Variants in ACACA observed in about 807,000 individuals in gnomAD.
ACACA encodes acetyl-CoA carboxylase alpha, also known as acetyl-CoA carboxylase 1.
Under a neutral mutation model 296.1 loss-of-function variants are expected in ACACA, and 103 were observed. The ratio of observed to expected loss-of-function variants is 0.35; its 90% confidence interval spans 0.30 to 0.41. The LOEUF is 0.41. ACACA is among the 10% of genes least tolerant of loss of function. The pLI is 1.00. For synonymous variants in ACACA, 953 were observed against 1,038.6 expected (o/e 0.92, Z 1.58); for missense variants, 1,554 against 2,989.7 (o/e 0.52, Z 11.20).
In ACACA at chr17:37,113,364, T is replaced by C. The variant is rs2142998877; in HGVS notation, c.6275-99A>G. The stretch of plus-strand genomic sequence containing the variant: ...GACCTCTGGCCACGAAGAGCCTCCT[T>C]ATACTATGCCTCCTGTTTGGCCACC... On this transcript the variant is annotated intron_variant, in intron 50 of 55. Coordinates refer to ENST00000616317, the MANE Select transcript of ACACA (RefSeq NM_198834.3). The surrounding 1 kb of genome is among the most constrained non-coding windows in gnomAD (Gnocchi z 4.0). The C allele has an allele frequency of 1.6e-6, 2 of 1,290,102 alleles. No homozygotes were observed. Among genetic ancestry groups the C allele is most frequent in the Non-Finnish European group, 1.1e-6 (1 of 907,794 alleles). The allele number at this position is 1,290,102 out of a possible 1,614,324, so 79.9% of individuals were successfully genotyped here. A position where few individuals can be genotyped will look rare whatever the true frequency, so the allele number is the denominator to read the frequency against.
At position 37,161,637 on chromosome 17, in the gene ACACA, A is replaced by T. The variant is rs75415851; in HGVS notation, c.5349+144T>A. On this transcript the variant is annotated intron_variant, in intron 42 of 55. Coordinates refer to ENST00000616317, the MANE Select transcript of ACACA (RefSeq NM_198834.3). The stretch of plus-strand genomic sequence containing the variant: ...TTGTCTTTAATATGGTGTCTTAAGG[A>T]ATTTTCACAAATAATTTTGTTTATA... The T allele has an allele frequency of 4.2e-3, 4,084 of 983,614 alleles. 118 individuals carry two copies. In the African/African-American group the frequency reaches 0.06, roughly 14 times the overall value. 60.9% of individuals were successfully genotyped at this position (983,614 alleles called of 1,614,324 possible).
chr17:37,236,383 A>G (rs536941226), intron 24 of ACACA, among the ~76,000 whole-genome samples: 11 of 152,332 alleles, frequency 7.2e-5, no homozygotes, highest in African/African-American at 2.6e-4. Context: ...GACAACACAA[A>G]TAAACTTTGG....
intron 41 of ACACA, among the ~76,000 whole-genome samples, chr17:37,172,607 T>A (rs1239995473): frequency 2.6e-5 from 4 of 152,184 alleles, no homozygotes; most frequent in Non-Finnish European, 5.9e-5. Flanking sequence ...TATCTTACCA[T>A]ATATGCCATA....
intron 3 of ACACA, 42 bp downstream of exon 3, chr17:37,330,131 A>C (rs2047805962): frequency 6.2e-7 from 1 of 1,612,178 alleles, no homozygotes; most frequent in African/African-American, 1.3e-5. Context: ...AGCAAAACTA[A>C]CAAGACAGAT....
intron 14 of ACACA, among the ~76,000 whole-genome samples, chr17:37,255,099 T>TC (rs1457601343): frequency 6.8e-6 from 1 of 148,072 alleles, no homozygotes; most frequent in Non-Finnish European, 1.5e-5. Context: ...AGACTCTGTC[T>TC]CAAAAAAAAA....
At chr17:37,401,254 G>A (rs1476702069) in intron 1 of ACACA, among the ~76,000 whole-genome samples, 1 of 144,982 alleles carries the variant, frequency 6.9e-6, no homozygotes, top group African/African-American at 2.6e-5. Context: ...GGGCAATGGT[G>A]TGATCTTGGC....
chr17:37,326,314 T>G (rs1272290218), intron 3 of ACACA, among the ~76,000 whole-genome samples: 1 of 151,284 alleles, frequency 6.6e-6, no homozygotes, highest in Non-Finnish European at 1.5e-5. Context: ...GGCAGGTGGA[T>G]CACCTGAGGT....
intron 42 of ACACA, among the ~76,000 whole-genome samples, chr17:37,156,023 T>C (rs1467115305): frequency 1.3e-5 from 2 of 151,992 alleles, no homozygotes; most frequent in East Asian, 3.9e-4. Flanking sequence ...TCCAAGTATA[T>C]TCCCTTCATT....
chr17:37,249,732 G>A (rs1445342319), intron 16 of ACACA, among the ~76,000 whole-genome samples: 1 of 152,124 alleles, frequency 6.6e-6, no homozygotes, highest in African/African-American at 2.4e-5. Context: ...TTCACAGCAT[G>A]CTACCATTTG....
At chr17:37,275,091 A>G (rs534467868) in intron 8 of ACACA, among the ~76,000 whole-genome samples, 1 of 152,362 alleles carries the variant, frequency 6.6e-6, no homozygotes, top group Admixed American at 6.5e-5. Context: ...CCCCTCTGGC[A>G]TGCCTGGAAG....
intron 33 of ACACA, among the ~76,000 whole-genome samples, chr17:37,202,716 C>G: frequency 4.6e-5 from 1 of 21,540 alleles, no homozygotes; most frequent in South Asian, 2.6e-3. Context: ...TATATATACA[C>G]ACACACATAT....
chr17:37,151,562 T>G, intron 43 of ACACA, 141 bp from the exon 44 acceptor site: 2 of 1,007,968 alleles, frequency 2.0e-6, no homozygotes. Context: ...CTTCCTTTTA[T>G]ACTCTTCATT....
At chr17:37,241,595 T>C (rs1350388289) in intron 23 of ACACA, among the ~76,000 whole-genome samples, 1 of 151,856 alleles carries the variant, frequency 6.6e-6, no homozygotes, top group African/African-American at 2.4e-5. Context: ...GTCCCAGCTA[T>C]TCAGAGGGGT....
intron 29 of ACACA, among the ~76,000 whole-genome samples, chr17:37,219,970 A>G (rs1374060249): frequency 6.6e-6 from 1 of 152,112 alleles, no homozygotes; most frequent in Non-Finnish European, 1.5e-5. Context: ...TTATACCAAT[A>G]ATAATGATGA....
At chr17:37,357,534 T>C (rs553731213) in intron 1 of ACACA, among the ~76,000 whole-genome samples, 1 of 152,192 alleles carries the variant, frequency 6.6e-6, no homozygotes, top group Non-Finnish European at 1.5e-5. Flanking sequence ...TCTACAACAC[T>C]AGTAAACACA....
intron 3 of ACACA, chr17:37,299,549 C>G (rs919605603): frequency 7.9e-5 from 111 of 1,413,794 alleles, no homozygotes; most frequent in Non-Finnish European, 9.6e-5. Context: ...CCACCTTTCT[C>G]TTCCTTTTTG....
intron 1 of ACACA, among the ~76,000 whole-genome samples, chr17:37,342,776 C>T (rs1447429144): frequency 1.3e-5 from 2 of 150,510 alleles, no homozygotes; most frequent in African/African-American, 2.5e-5. Flanking sequence ...GAAACCCCAT[C>T]TCTACCAAAA....
intron 28 of ACACA, 33 bp downstream of exon 28, chr17:37,223,479 A>G (rs1218749608): frequency 1.3e-6 from 2 of 1,492,796 alleles, no homozygotes; most frequent in South Asian, 2.3e-5. Flanking sequence ...GAAACAAAGG[A>G]AAAGGTCATG....
intron 1 of ACACA, among the ~76,000 whole-genome samples, chr17:37,396,893 G>A (rs2051099741): frequency 6.6e-6 from 1 of 152,026 alleles, no homozygotes; most frequent in African/African-American, 2.4e-5. Context: ...AGTAATAGTA[G>A]TAGTAGTATT....
Sources: allele counts gnomAD v4.1 joint callset (sites outside exome capture counted in the v4.1 genomes callset), GRCh38; gene constraint gnomAD v4.1.1; non-coding constraint Gnocchi (gnomAD v3.1); transcripts MANE v1.5; gene names NCBI Gene and HGNC (gene_info 2026-07-23, HGNC 2026-07-21).